Variants in ATP2B2 observed in about 807,000 individuals in gnomAD.
ATP2B2 encodes plasma membrane calcium-transporting ATPase 2.
ATP2B2 carries 15 observed loss-of-function variants against 120.0 expected under a neutral mutation model. The ratio of observed to expected loss-of-function variants is 0.12; its 90% CI spans 0.08 to 0.19. ATP2B2 has a LOEUF of 0.19. Among genes scored for constraint, ATP2B2 ranks in the 10% least tolerant of loss-of-function variants. The pLI is 1.00. For missense variants in ATP2B2, 1,045 were observed against 1,719.8 expected (o/e 0.61, Z 6.94); for synonymous variants, 694 against 700.3 (o/e 0.99, Z 0.14).
At chr3:10,606,912 C>CAG (rs1185602877) in intron 2 of ATP2B2, among the ~76,000 whole-genome samples, 3 of 62,584 alleles carry the variant, frequency 4.8e-5, no homozygotes, top group African/African-American at 1.4e-4. Flanking sequence ...CACACACACA[C>CAG]AGAGAGAGAG....
At chr3:10,410,860 T>C in intron 2 of ATP2B2, 45 bp from the exon 3 acceptor site, 1 of 1,592,882 alleles carries the variant, frequency 6.3e-7, no homozygotes, top group Non-Finnish European at 8.6e-7. Flanking sequence ...CTGGGAGAGA[T>C]GCAGGCATGT....
At chr3:10,661,449 C>T (rs1362486360) in intron 1 of ATP2B2, among the ~76,000 whole-genome samples, 2 of 152,118 alleles carry the variant, frequency 1.3e-5, no homozygotes, top group East Asian at 1.9e-4. Context: ...TTCTTATACA[C>T]CAATAACAGA....
chr3:10,678,891 A>G (rs547678046), intron 1 of ATP2B2, among the ~76,000 whole-genome samples: 8 of 152,334 alleles, frequency 5.3e-5, no homozygotes, highest in Admixed American at 4.6e-4. Flanking sequence ...ATGTGAGGTT[A>G]TATAGCAAAG....
intron 1 of ATP2B2, among the ~76,000 whole-genome samples, chr3:10,498,774 C>T (rs1268384219): frequency 6.6e-6 from 1 of 152,214 alleles, no homozygotes; most frequent in African/African-American, 2.4e-5. Context: ...CCATTCACTG[C>T]TTCTCCCATA....
At chr3:10,431,592 G>C (rs777421591) in intron 2 of ATP2B2, among the ~76,000 whole-genome samples, 8 of 151,962 alleles carry the variant, frequency 5.3e-5, no homozygotes, top group Non-Finnish European at 1.0e-4. Flanking sequence ...TTGCTTTTTT[G>C]CTTGTCACAC....
intron 14 of ATP2B2, 42 bp from the exon 15 acceptor site, chr3:10,350,619 A>C (rs769008910): frequency 6.0e-5 from 96 of 1,594,542 alleles, no homozygotes; most frequent in Middle Eastern, 1.7e-4. Context: ...GCACCACCTC[A>C]GGCAGACTCC....
At chr3:10,646,624 G>A (rs1020003606) in intron 1 of ATP2B2, among the ~76,000 whole-genome samples, 8 of 151,928 alleles carry the variant, frequency 5.3e-5, no homozygotes, top group South Asian at 2.1e-4. Flanking sequence ...CCTCCCTGGC[G>A]CCACCCACCC....
chr3:10,548,743 G>T (rs1431980111), intron 2 of ATP2B2, among the ~76,000 whole-genome samples: 3 of 152,164 alleles, frequency 2.0e-5, no homozygotes, highest in African/African-American at 7.2e-5. Flanking sequence ...GTCATCTTAT[G>T]ATCTGCTTCT....
In ATP2B2 at chr3:10,385,259, G is replaced by A. The variant is rs767515117; in HGVS notation, c.1000+9C>T. ...AACCATGACCAGGAGCTCGCCGTGG[G>A]AGACATACCATTGACTAGGCTGGCA... On this transcript the variant is annotated intron_variant, in intron 8 of 22. Transcript: ENST00000360273. The A allele has an allele frequency of 2.5e-5, 40 of 1,613,460 alleles. No individual in the cohort carries two copies. Among genetic ancestry groups the A allele is most frequent in the Non-Finnish European group, 2.9e-5 (34 of 1,179,784 alleles).
Position 10,410,854 on chromosome 3 carries a change from G to A in ATP2B2, c.200-39C>T, listed in dbSNP as rs746521930. The A allele has an allele frequency of 1.1e-5, 18 of 1,599,446 alleles. No homozygotes were observed. The African/African-American group carries it at 2.4e-4, about 21-fold the overall frequency. On this transcript the variant is annotated intron_variant, in intron 2 of 22. Coordinates refer to ENST00000360273, the MANE Select transcript of ATP2B2 (RefSeq NM_001001331.4). ...ACAGAGAGGTTGGCTGGGGGCCTGG[G>A]AGAGATGCAGGCATGTTCTGGGAAT...
chr3:10,485,896 C>T (rs1250669457), intron 1 of ATP2B2, among the ~76,000 whole-genome samples: 1 of 152,172 alleles, frequency 6.6e-6, no homozygotes, highest in Non-Finnish European at 1.5e-5. Flanking sequence ...CCTGTGAGAT[C>T]CATGCTCTGA....
chr3:10,426,154 C>T (rs971786063), intron 2 of ATP2B2, among the ~76,000 whole-genome samples: 9 of 152,272 alleles, frequency 5.9e-5, no homozygotes, highest in African/African-American at 1.9e-4. Context: ...CCTAATTCAG[C>T]ACTTCTTTTG....
chr3:10,655,504 C>T (rs1038825170), intron 1 of ATP2B2, among the ~76,000 whole-genome samples: 2 of 113,050 alleles, frequency 1.8e-5, no homozygotes, highest in Non-Finnish European at 3.3e-5. Context: ...TCATCCAGAC[C>T]CTTGCTACTC....
intron 3 of ATP2B2, among the ~76,000 whole-genome samples, chr3:10,532,465 T>C (rs774834778): frequency 7.2e-5 from 11 of 152,152 alleles, no homozygotes; most frequent in South Asian, 2.1e-4. Context: ...TGGGAAGCCT[T>C]TGTCAACCCA....
At chr3:10,683,130 TCTTTTA>T (rs548272499) in intron 1 of ATP2B2, among the ~76,000 whole-genome samples, 4 of 151,794 alleles carry the variant, frequency 2.6e-5, no homozygotes, top group African/African-American at 7.2e-5. Context: ...GTTTTTTTTT[TCTTTTA>T]CTTTTTTATT....
chr3:10,654,663 GT>G (rs749457769), intron 1 of ATP2B2, among the ~76,000 whole-genome samples: 38 of 152,198 alleles, frequency 2.5e-4, no homozygotes, highest in Non-Finnish European at 4.0e-4. Flanking sequence ...AGTGCAGAAG[GT>G]CCCAGGAGGA....
chr3:10,437,096 C>T (rs767271416), intron 2 of ATP2B2, among the ~76,000 whole-genome samples: 2 of 152,080 alleles, frequency 1.3e-5, no homozygotes, highest in African/African-American at 4.8e-5. Context: ...TCTTCTTTTC[C>T]CCTTTAGTGT....
At chr3:10,671,972 G>A (rs2071109472) in intron 1 of ATP2B2, among the ~76,000 whole-genome samples, 1 of 152,188 alleles carries the variant, frequency 6.6e-6, no homozygotes, top group Non-Finnish European at 1.5e-5. Context: ...TTGCACTGTG[G>A]GCAGAGGGTC....
intron 2 of ATP2B2, among the ~76,000 whole-genome samples, chr3:10,609,161 T>C (rs1242189552): frequency 6.6e-6 from 1 of 152,200 alleles, no homozygotes; most frequent in African/African-American, 2.4e-5. Context: ...CAGGACCCCG[T>C]GGCTCTACTG....
Sources: allele counts gnomAD v4.1 joint callset (sites outside exome capture counted in the v4.1 genomes callset), GRCh38; gene constraint gnomAD v4.1.1; transcripts MANE v1.5; gene names NCBI Gene and HGNC (gene_info 2026-07-23, HGNC 2026-07-21).